The following CDK14 variants were observed in gnomAD, a reference collection of about 807,000 sequenced individuals.
CDK14 encodes cyclin dependent kinase 14.
CDK14 carries 34 observed loss-of-function variants against 60.7 expected under a neutral mutation model. The ratio of observed to expected loss-of-function variants is 0.56; its 90% CI spans 0.43 to 0.75. The LOEUF (loss-of-function observed/expected upper bound fraction) is 0.75, where lower values mean the gene tolerates loss of function less well. Among genes scored for constraint, CDK14 ranks in the 30% least tolerant of loss-of-function variants. The probability of loss-of-function intolerance (pLI) is 0.00; values close to 1 mark genes in which losing one functional copy is unlikely to be tolerated. For missense variants in CDK14, 482 were observed against 564.1 expected (o/e 0.85, Z 1.47); for synonymous variants, 197 against 203.7 (o/e 0.97, Z 0.28).
intron 12 of CDK14, among the ~76,000 whole-genome samples, chr7:91,091,473 AC>A (rs1168395149): frequency 7.9e-6 from 1 of 126,552 alleles, no homozygotes; most frequent in Non-Finnish European, 1.6e-5. Flanking sequence ...TAATATATAT[AC>A]ATATATGTAT....
chr7:90,973,894 C>G (rs1020683772), intron 9 of CDK14, among the ~76,000 whole-genome samples: 1 of 152,138 alleles, frequency 6.6e-6, no homozygotes, highest in African/African-American at 2.4e-5. Flanking sequence ...AACATCTTAA[C>G]AGGAAACAGG....
At chr7:90,995,980 T>C (rs1188043721) in intron 10 of CDK14, among the ~76,000 whole-genome samples, 2 of 152,222 alleles carry the variant, frequency 1.3e-5, no homozygotes, top group Admixed American at 1.3e-4. Context: ...TTCCTGGCCT[T>C]ATGTGACAAC....
chr7:91,067,818 T>C (rs1403483288), intron 11 of CDK14, among the ~76,000 whole-genome samples: 3 of 152,222 alleles, frequency 2.0e-5, no homozygotes, highest in African/African-American at 7.2e-5. Flanking sequence ...AGGTAATTCT[T>C]AGAACTAATA....
chr7:90,939,308 G>A (rs1048257525), intron 8 of CDK14, among the ~76,000 whole-genome samples: 4 of 152,214 alleles, frequency 2.6e-5, no homozygotes, highest in Non-Finnish European at 5.9e-5. Flanking sequence ...TGCTTCAGAT[G>A]TAAGATTTCT....
chr7:90,980,021 C>G (rs986940698), intron 9 of CDK14, among the ~76,000 whole-genome samples: 1 of 151,962 alleles, frequency 6.6e-6, no homozygotes, highest in African/African-American at 2.4e-5. Context: ...ATGTAAGTTT[C>G]AATCCTAAAA....
chr7:90,947,592 G>A (rs1198907675), intron 8 of CDK14, among the ~76,000 whole-genome samples: 4 of 152,040 alleles, frequency 2.6e-5, no homozygotes, highest in Non-Finnish European at 5.9e-5. Context: ...CTTGTGCTTT[G>A]CCTCTGTGTA....
intron 4 of CDK14, among the ~76,000 whole-genome samples, chr7:90,759,898 G>A (rs888916474): frequency 1.3e-5 from 2 of 152,176 alleles, no homozygotes; most frequent in Non-Finnish European, 2.9e-5. Context: ...TTTCTGTTGA[G>A]GTGAAGATGC....
chr7:90,953,165 A>G (rs1370732590), intron 8 of CDK14, among the ~76,000 whole-genome samples: 3 of 145,456 alleles, frequency 2.1e-5, no homozygotes, highest in Admixed American at 7.1e-5. Context: ...TCATCAATAT[A>G]GAGGACACTT....
intron 6 of CDK14, among the ~76,000 whole-genome samples, chr7:90,882,670 T>C (rs536824510): frequency 1.3e-5 from 2 of 152,214 alleles, no homozygotes; most frequent in African/African-American, 2.4e-5. Flanking sequence ...TGGCACTTAC[T>C]CTAGAATCAA....
intron 5 of CDK14, among the ~76,000 whole-genome samples, chr7:90,802,670 T>C (rs1788685812): frequency 1.3e-5 from 2 of 152,190 alleles, no homozygotes; most frequent in Admixed American, 6.5e-5. Context: ...AGGATGAAAA[T>C]ACGACTCAAC....
At chr7:90,647,808 G>T (rs1328984488) in intron 2 of CDK14, among the ~76,000 whole-genome samples, 1 of 152,010 alleles carries the variant, frequency 6.6e-6, no homozygotes, top group Non-Finnish European at 1.5e-5. Context: ...GTGAGCTATG[G>T]TTGCACCACT....
chr7:90,865,533 T>G (rs548102308), intron 6 of CDK14, among the ~76,000 whole-genome samples: 182 of 152,288 alleles, frequency 1.2e-3, no homozygotes, highest in Non-Finnish European at 2.4e-3. Context: ...TTGCATGTTT[T>G]GAAGCAGTGG....
rs564409229 is a variant in CDK14, at chr7:91,137,897, C to T, written c.*28+19689C>T. The stretch of plus-strand genomic sequence containing the variant: ...GTGCTGAGCCTCACTTCAATACTCT[C>T]CAGATAATTGAGCTAATTAAATCTT... On this transcript the variant is annotated intron_variant, in intron 14 of 14. Transcript: ENST00000380050. Among the ~76,000 whole-genome samples the T allele has an allele frequency of 7.2e-5, 11 of 152,248 alleles. No homozygotes were observed. The South Asian group carries it at 1.0e-3, about 14-fold the overall frequency.
chr7:90,894,926 T>C (rs1792247500), intron 6 of CDK14, among the ~76,000 whole-genome samples: 1 of 152,198 alleles, frequency 6.6e-6, no homozygotes, highest in Non-Finnish European at 1.5e-5. Context: ...CATATTGAAT[T>C]TTAGCACCTA....
intron 11 of CDK14, among the ~76,000 whole-genome samples, chr7:91,077,391 C>T (rs1392986548): frequency 2.0e-5 from 3 of 151,908 alleles, no homozygotes; most frequent in Non-Finnish European, 4.4e-5. Flanking sequence ...CAAACTAACA[C>T]ATAAACAGAA....
chr7:91,003,334 C>G (rs1054758909), intron 10 of CDK14, among the ~76,000 whole-genome samples: 3 of 152,108 alleles, frequency 2.0e-5, no homozygotes, highest in African/African-American at 4.8e-5. Flanking sequence ...TGGTCACTGT[C>G]GCAGTCTCCA....
chr7:91,078,056 G>T (rs903500995), intron 11 of CDK14, among the ~76,000 whole-genome samples: 1 of 152,174 alleles, frequency 6.6e-6, no homozygotes, highest in Non-Finnish European at 1.5e-5. Context: ...TTCATCACTG[G>T]TGGGAAAATG....
chr7:91,018,161 G>C (rs1379275306), intron 10 of CDK14, among the ~76,000 whole-genome samples: 1 of 152,216 alleles, frequency 6.6e-6, no homozygotes, highest in African/African-American at 2.4e-5. Context: ...TCTAAAGCCT[G>C]AGGAGCAGTG....
chr7:91,167,683 C>A (rs746242988), intron 14 of CDK14, among the ~76,000 whole-genome samples: 1 of 152,190 alleles, frequency 6.6e-6, no homozygotes, highest in Non-Finnish European at 1.5e-5. Context: ...TAATAGATGG[C>A]TTCAGGCCCT....
Sources: allele counts gnomAD v4.1 joint callset (sites outside exome capture counted in the v4.1 genomes callset), GRCh38; gene constraint gnomAD v4.1.1; transcripts MANE v1.5; gene names NCBI Gene and HGNC (gene_info 2026-07-23, HGNC 2026-07-21).